Variants in FRS2 observed in about 807,000 individuals in gnomAD.
FRS2 encodes FGFR signalling adaptor.
In FRS2, 8 loss-of-function variants were observed where a neutral mutation model predicts 43.9. That is an observed-to-expected ratio of 0.18 (90% CI 0.11 to 0.33). The LOEUF (loss-of-function observed/expected upper bound fraction) is 0.33. Ranked by LOEUF, FRS2 falls within the 10% of genes least tolerant of loss-of-function variation. The pLI is 1.00. For synonymous variants in FRS2, 219 were observed against 220.3 expected (o/e 0.99, Z 0.05); for missense variants, 534 against 627.6 (o/e 0.85, Z 1.59).
chr12:69,534,167 A>G (rs940115004), intron 3 of FRS2, among the ~76,000 whole-genome samples: 1 of 152,174 alleles, frequency 6.6e-6, no homozygotes, highest in African/African-American at 2.4e-5. Context: ...TCTGACCCTG[A>G]TGTCTTATTG....
chr12:69,563,613 A>G (rs1455925182), intron 4 of FRS2, among the ~76,000 whole-genome samples: 4 of 152,182 alleles, frequency 2.6e-5, no homozygotes, highest in African/African-American at 7.2e-5. Flanking sequence ...CACTGCTAGC[A>G]AAACAGCATA....
chr12:69,496,392 G>A (rs1273589902), intron 1 of FRS2, among the ~76,000 whole-genome samples: 5 of 151,908 alleles, frequency 3.3e-5, no homozygotes, highest in Non-Finnish European at 5.9e-5. Flanking sequence ...AGCCGAGATC[G>A]CGCCACTGCA....
At chr12:69,519,685 T>G (rs1875432462) in intron 1 of FRS2, among the ~76,000 whole-genome samples, 1 of 152,210 alleles carries the variant, frequency 6.6e-6, no homozygotes, top group Non-Finnish European at 1.5e-5. Flanking sequence ...TGTGTTAGTT[T>G]GCTTAGGATA....
At chr12:69,539,386 GT>G (rs1458235972) in intron 3 of FRS2, among the ~76,000 whole-genome samples, 1 of 152,070 alleles carries the variant, frequency 6.6e-6, no homozygotes, top group Non-Finnish European at 1.5e-5. Flanking sequence ...ATTTCAGGGG[GT>G]TTTTTGGATT....
At chr12:69,537,830 A>G (rs758410658) in intron 3 of FRS2, 1 of 152,512 alleles carries the variant, frequency 6.6e-6, no homozygotes, top group African/African-American at 2.4e-5. Flanking sequence ...CATATAGTCT[A>G]TTTTTCATGT....
At chr12:69,494,918 C>T (rs553016283) in intron 1 of FRS2, among the ~76,000 whole-genome samples, 12 of 152,166 alleles carry the variant, frequency 7.9e-5, no homozygotes, top group East Asian at 1.9e-4. Flanking sequence ...GGATTATAGA[C>T]GCCCACCATC....
rs10784785 is a variant in FRS2, at chr12:69,542,809, G to A, written c.-122+10753G>A. ...GAGCTTAGGAAAAGCTGTAGGATGA[G>A]AAATCCAATATAAACAGTTGTTTCA... On this transcript the variant is annotated intron_variant, in intron 3 of 8. Coordinates refer to ENST00000549921, the MANE Select transcript of FRS2 (RefSeq NM_001278356.2). Among the ~76,000 whole-genome samples the A allele has an allele frequency of 0.035, 5,333 of 152,276 alleles. 429 individuals carry two copies. In the East Asian group the frequency reaches 0.37, roughly 11 times the overall value.
At chr12:69,490,331 AGTTTTAATG>A (rs1872360138) in intron 1 of FRS2, among the ~76,000 whole-genome samples, 1 of 152,096 alleles carries the variant, frequency 6.6e-6, no homozygotes, top group Non-Finnish European at 1.5e-5. Flanking sequence ...ACATTTCTTG[AGTTTTAATG>A]ACTAATTGAG....
chr12:69,541,857 A>G (rs555464077), intron 3 of FRS2, among the ~76,000 whole-genome samples: 4 of 149,286 alleles, frequency 2.7e-5, no homozygotes, highest in Non-Finnish European at 5.9e-5. Flanking sequence ...GTAACACTGT[A>G]TTATTGTAAT....
chr12:69,471,197 G>T (rs938123695), intron 1 of FRS2, among the ~76,000 whole-genome samples: 1 of 151,606 alleles, frequency 6.6e-6, no homozygotes, highest in African/African-American at 2.4e-5. Context: ...TAAACTTAAA[G>T]AAAAAACTTG....
intron 3 of FRS2, among the ~76,000 whole-genome samples, chr12:69,557,041 T>A (rs1879415604): frequency 6.6e-6 from 1 of 152,210 alleles, no homozygotes; most frequent in Non-Finnish European, 1.5e-5. Context: ...ATTTGGGAAA[T>A]AACAATTCCT....
rs1439259074 is a variant in FRS2 at position 69,574,274 on chromosome 12, T to G, written c.846T>G (p.Asn282Lys). 1 of 1,613,996 alleles carries G rather than the reference T, an allele frequency of 6.2e-7. No individual in the cohort carries two copies. The highest frequency in any genetic ancestry group is 1.3e-5 in the African/African-American group (1 of 74,900). Residue 282 changes from asparagine (N) to lysine (K), a missense_variant, in exon 9 of 9, where the codon AAT becomes AAG. Asn to Lys is a moderately conservative substitution (Grantham distance 94). Coordinates refer to ENST00000549921, the MANE Select transcript of FRS2 (RefSeq NM_001278356.2). ...ATCAAGTTAGTGGAAGTGGAGCAAATAACACAGAATGGGACACTGGCTATG... is the reference window on the plus strand; with the variant it reads ...ATCAAGTTAGTGGAAGTGGAGCAAAGAACACAGAATGGGACACTGGCTATG... ...GRDQVSGSGANNTEWDTGYDS... is the reference protein window; with the variant it reads ...GRDQVSGSGAKNTEWDTGYDS...
At chr12:69,547,107 C>G (rs533859356) in intron 3 of FRS2, among the ~76,000 whole-genome samples, 1 of 152,162 alleles carries the variant, frequency 6.6e-6, no homozygotes, top group South Asian at 2.1e-4. Flanking sequence ...GTGAAATAAG[C>G]CAGTCACACA....
intron 1 of FRS2, among the ~76,000 whole-genome samples, chr12:69,510,298 A>G (rs891433056): frequency 2.6e-5 from 4 of 152,174 alleles, no homozygotes; most frequent in Non-Finnish European, 5.9e-5. Flanking sequence ...CCCTCGGTAG[A>G]GTTAATTACT....
chr12:69,535,948 CTGTT>C (rs1877229923), intron 3 of FRS2, among the ~76,000 whole-genome samples: 1 of 151,304 alleles, frequency 6.6e-6, no homozygotes, highest in African/African-American at 2.4e-5. Flanking sequence ...ATTGTTTTAT[CTGTT>C]TGTTGAATTG....
intron 3 of FRS2, among the ~76,000 whole-genome samples, chr12:69,557,554 A>G (rs1195980111): frequency 2.0e-5 from 3 of 151,124 alleles, no homozygotes; most frequent in African/African-American, 7.3e-5. Flanking sequence ...ATATGTTTTT[A>G]TACTAAACTA....
At position 69,490,199 on chromosome 12, in the gene FRS2, G is replaced by A. The variant is rs1872343467; in HGVS notation, c.-261+19669G>A. Among the ~76,000 whole-genome samples, 3 of 152,134 alleles carry A rather than the reference G, an allele frequency of 2.0e-5. No individual in the cohort carries two copies. In the South Asian group the frequency reaches 6.2e-4, roughly 31 times the overall value. On this transcript the variant is annotated intron_variant, in intron 1 of 8. Coordinates refer to ENST00000549921, the MANE Select transcript of FRS2 (RefSeq NM_001278356.2). ...TAGATTGTTTGAATCTGAGAAAGAAGAGGGGACCTGAGTAGTATTAGCTGC... is the reference window on the plus strand; with the variant it reads ...TAGATTGTTTGAATCTGAGAAAGAAAAGGGGACCTGAGTAGTATTAGCTGC...
At chr12:69,563,822 C>T (rs774305926) in intron 4 of FRS2, among the ~76,000 whole-genome samples, 26 of 152,162 alleles carry the variant, frequency 1.7e-4, no homozygotes, top group Middle Eastern at 3.4e-3. Context: ...TTCGACCCAC[C>T]CTTATGTCTT....
chr12:69,535,404 T>G (rs1030532098), intron 3 of FRS2, among the ~76,000 whole-genome samples: 2 of 152,192 alleles, frequency 1.3e-5, no homozygotes, highest in Non-Finnish European at 2.9e-5. Flanking sequence ...GGCGTAAATG[T>G]GATGTATTTA....
Sources: gnomAD v4.1 joint callset for allele counts (sites outside exome capture counted in the v4.1 genomes callset) on GRCh38, gnomAD v4.1.1 for gene constraint, MANE v1.5 for transcripts, NCBI Gene and HGNC (gene_info 2026-07-23, HGNC 2026-07-21) for gene names.